Variants in CCDC61 observed in about 807,000 individuals in gnomAD.
The protein encoded by CCDC61 is centrosomal protein CCDC61.
CCDC61 carries 55 observed loss-of-function variants against 63.0 expected under a neutral mutation model. That is an observed-to-expected ratio of 0.87 (90% CI 0.70 to 1.09). The LOEUF is 1.09. Ranked by LOEUF, CCDC61 falls within the 50% of genes least tolerant of loss-of-function variation. The pLI, the probability that CCDC61 is intolerant of heterozygous loss-of-function variation, is 0.00. For missense variants in CCDC61, 651 were observed against 731.4 expected, an observed-to-expected ratio of 0.89 and a Z score of 1.27; for synonymous variants, 270 against 317.0, an observed-to-expected ratio of 0.85 and a Z score of 1.58.
intron 1 of CCDC61, among the ~76,000 whole-genome samples, chr19:46,000,273 G>A (rs753065629): frequency 8.5e-5 from 13 of 152,188 alleles, no homozygotes; most frequent in Middle Eastern, 3.4e-3. Flanking sequence ...GTGAAATATG[G>A]GAGTGATGGA....
At position 46,016,803 on chromosome 19, in the gene CCDC61, C is replaced by T. The variant is rs1282330691; in HGVS notation, c.1201C>T (p.Pro401Ser). Reference sequence around the variant, plus strand: ...TGCCTTGACTGGCCGAGGGGACGCCCCTAACCGCTCCCGAAACCGCAGCTC... The same window carrying T: ...TGCCTTGACTGGCCGAGGGGACGCCTCTAACCGCTCCCGAAACCGCAGCTC... ...PAALTGRGDA[P>S]NRSRNRSSSV... The change falls in exon 10 of 14, where the codon CCT (proline) becomes TCT (serine). Residue 401 changes from proline (P) to serine (S), a missense_variant. Transcript: ENST00000595358. The surrounding 1 kb of genome is among the most constrained non-coding windows in gnomAD (Gnocchi z 7.2). 6.5e-7 allele frequency: 1 copy of T among 1,528,456 alleles called. No individual in the cohort carries two copies. Among genetic ancestry groups the T allele is most frequent in the East Asian group, 2.4e-5 (1 of 41,060 alleles). The allele number at this position is 1,528,456 out of a possible 1,614,324, so 94.7% of individuals were successfully genotyped here. A position where few individuals can be genotyped will look rare whatever the true frequency, so the allele number is the denominator to read the frequency against.
chr19:46,007,650 C>T (rs752120780), intron 4 of CCDC61, among the ~76,000 whole-genome samples: 14 of 152,018 alleles, frequency 9.2e-5, no homozygotes, highest in East Asian at 5.8e-4. Flanking sequence ...GCTAGGTGAC[C>T]GTGTCTGTCC....
In CCDC61 at chr19:46,015,506, G is replaced by T; in HGVS notation, c.845+79G>T. ...GGAGGCTGATGAGGCGGAGCCTAAGGGGGCGGGGCGGGGCCAGGTAGGGTG... is the reference window on the plus strand; with the variant it reads ...GGAGGCTGATGAGGCGGAGCCTAAGTGGGCGGGGCGGGGCCAGGTAGGGTG... On this transcript the variant is annotated intron_variant, in intron 7 of 13. Transcript: ENST00000595358. This position sits in a 1 kb window ranked among gnomAD's most constrained non-coding sequence, Gnocchi z 5.3. 8.7e-7 allele frequency: 1 copy of T among 1,155,770 alleles called. No homozygotes were observed. Among genetic ancestry groups the T allele is most frequent in the Non-Finnish European group, 1.2e-6 (1 of 832,978 alleles). The allele number at this position is 1,155,770 out of a possible 1,614,324, so 71.6% of individuals were successfully genotyped here. A position where few individuals can be genotyped will look rare whatever the true frequency, so the allele number is the denominator to read the frequency against.
intron 1 of CCDC61, among the ~76,000 whole-genome samples, chr19:46,000,990 G>A (rs113903409): frequency 6.6e-6 from 1 of 151,842 alleles, no homozygotes; most frequent in Non-Finnish European, 1.5e-5. Flanking sequence ...GACCACGAGT[G>A]GGGGCGGTGA....
At chr19:46,007,978 C>T (rs1484660078) in intron 4 of CCDC61, among the ~76,000 whole-genome samples, 162 bp from the exon 5 acceptor site, 5 of 152,102 alleles carry the variant, frequency 3.3e-5, no homozygotes, top group South Asian at 4.1e-4. Flanking sequence ...ACAAGGGGTC[C>T]GGGTACAGGG....
At chr19:46,011,922 C>T (rs538118780) in intron 5 of CCDC61, among the ~76,000 whole-genome samples, 1 of 152,294 alleles carries the variant, frequency 6.6e-6, no homozygotes, top group Non-Finnish European at 1.5e-5. Flanking sequence ...CCTGCCTCAG[C>T]CTCCTGAGCA....
intron 5 of CCDC61, among the ~76,000 whole-genome samples, chr19:46,009,885 TTG>T (rs897805370): frequency 2.0e-4 from 29 of 147,228 alleles, no homozygotes; most frequent in East Asian, 1.6e-3. Flanking sequence ...GTTTCTAGGT[TTG>T]TGTTTCTGGG....
chr19:46,003,162 T>C lies in CCDC61; in HGVS notation c.144T>C (p.Ala48=), dbSNP rs1968625611. The part of the protein sequence containing the change: ...TADQWRGEFD[A]GFIEDLTHKT... ...ACCAGTGGCGGGGCGAGTTCGATGC[T>C]GGCTGTGAGTGTGCCTGCCTGGGGT... Residue 48 remains alanine, a synonymous_variant, in exon 2 of 14, where the codon GCT becomes GCC. Transcript: ENST00000595358. 1 of 1,606,404 alleles carries C rather than the reference T, an allele frequency of 6.2e-7. No individual in the cohort carries two copies. Among genetic ancestry groups the C allele is most frequent in the South Asian group, 1.1e-5 (1 of 89,782 alleles).
chr19:46,006,442 G>C, intron 3 of CCDC61, 117 bp from the exon 4 acceptor site: 1 of 988,024 alleles, frequency 1.0e-6, no homozygotes, highest in Non-Finnish European at 1.4e-6. Flanking sequence ...CAGCCTTCGC[G>C]TAGGAAAGCC....
Position 46,011,705 on chromosome 19 carries a change from G to A in CCDC61, c.552-3344G>A, listed in dbSNP as rs192300706. 3.9e-5 allele frequency among the ~76,000 whole-genome samples: 6 copies of A among 152,220 alleles called. No individual in the cohort carries two copies. The East Asian group carries it at 7.7e-4, about 20-fold the overall frequency. On this transcript the variant is annotated intron_variant, in intron 5 of 13. Transcript: ENST00000595358. ...CTCCCTCTTTTATAAAGTTCTCTTC[G>A]GCCTTTCAACCAATGCAGTGGTTCA...
Position 46,017,250 on chromosome 19 carries a change from T to C in CCDC61, c.1314T>C (p.Gly438=). Residue 438 remains glycine (G), a synonymous_variant, in exon 12 of 14, where the codon GGT becomes GGC. Coordinates refer to ENST00000595358, the MANE Select transcript of CCDC61 (RefSeq NM_001267723.2). ...CTTGGTTACTCCTTTTTCTCAGGGG[T>C]CACCGCCGCCGTGGGAAGCCTCCCA... ...EDFSESLSRG[G]HRRRGKPPSP... 6.4e-7 allele frequency: 1 copy of C among 1,562,552 alleles called. No homozygotes were observed. The highest frequency in any genetic ancestry group is 8.7e-7 in the Non-Finnish European group (1 of 1,153,014).
chr19:46,001,145 G>C (rs1968584183), intron 1 of CCDC61, among the ~76,000 whole-genome samples: 1 of 152,178 alleles, frequency 6.6e-6, no homozygotes. Context: ...GGCGGGGCCA[G>C]TGCTGCCACG....
intron 1 of CCDC61, among the ~76,000 whole-genome samples, chr19:45,996,647 G>A (rs540433750): frequency 2.6e-5 from 4 of 152,216 alleles, no homozygotes; most frequent in South Asian, 4.1e-4. Flanking sequence ...TGATCCACCC[G>A]CCTCAGCCTC....
At chr19:46,001,839 C>A (rs1384963620) in intron 1 of CCDC61, among the ~76,000 whole-genome samples, 2 of 152,236 alleles carry the variant, frequency 1.3e-5, no homozygotes, top group Non-Finnish European at 2.9e-5. Context: ...TCAGAAATTT[C>A]ATTAGATTCT....
At chr19:46,010,810 C>G (rs571002016) in intron 5 of CCDC61, among the ~76,000 whole-genome samples, 1 of 152,194 alleles carries the variant, frequency 6.6e-6, no homozygotes, top group East Asian at 1.9e-4. Flanking sequence ...AAATCCCAGT[C>G]TTCGTGTCTC....
At chr19:46,000,405 C>T (rs563705180) in intron 1 of CCDC61, among the ~76,000 whole-genome samples, 1 of 151,870 alleles carries the variant, frequency 6.6e-6, no homozygotes, top group African/African-American at 2.4e-5. Flanking sequence ...CCGTGGGTGG[C>T]TGGTGTAGGG....
chr19:45,995,781 C>T (rs12463001), intron 1 of CCDC61, among the ~76,000 whole-genome samples: 70,758 of 151,764 alleles, frequency 0.47, 16,793 homozygotes, highest in Non-Finnish European at 0.49. Context: ...AATATAGAGA[C>T]GTCCTTGGAA....
intron 5 of CCDC61, among the ~76,000 whole-genome samples, chr19:46,010,784 C>G (rs1323886539): frequency 6.6e-6 from 1 of 152,204 alleles, no homozygotes; most frequent in Non-Finnish European, 1.5e-5. Context: ...TGTACTGCCA[C>G]CCCCTGCCCT....
intron 5 of CCDC61, among the ~76,000 whole-genome samples, chr19:46,009,459 C>T (rs935498201): frequency 3.3e-5 from 5 of 152,176 alleles, no homozygotes; most frequent in African/African-American, 9.7e-5. Flanking sequence ...ATTTTATCCT[C>T]ACAGCCACCC....
Sources: allele counts gnomAD v4.1 joint callset (sites outside exome capture counted in the v4.1 genomes callset), GRCh38; gene constraint gnomAD v4.1.1; non-coding constraint Gnocchi (gnomAD v3.1); transcripts MANE v1.5; gene names NCBI Gene and HGNC (gene_info 2026-07-23, HGNC 2026-07-21).